Variants in INTS4 observed in about 807,000 individuals in gnomAD.
INTS4 encodes MSTP093.
In INTS4, 70 loss-of-function variants were observed where a neutral mutation model predicts 119.5. That is an observed-to-expected ratio of 0.59 (90% CI 0.48 to 0.71). INTS4 has a LOEUF of 0.71. Among genes scored for constraint, INTS4 ranks in the 30% least tolerant of loss-of-function variants. The probability of loss-of-function intolerance (pLI) is 0.00; values close to 1 mark genes in which losing one functional copy is unlikely to be tolerated. For synonymous variants in INTS4, 316 were observed against 419.6 expected (o/e 0.75, Z 3.02); for missense variants, 867 against 1,173.2 (o/e 0.74, Z 3.81).
chr11:77,970,427 C>T (rs1463723976), intron 4 of INTS4, among the ~76,000 whole-genome samples: 4 of 151,876 alleles, frequency 2.6e-5, no homozygotes, highest in Non-Finnish European at 1.5e-5. Context: ...ACAAACTTCT[C>T]AGTTAATATG....
chr11:77,955,325 A>G (rs986198732), intron 8 of INTS4, among the ~76,000 whole-genome samples: 4 of 152,214 alleles, frequency 2.6e-5, no homozygotes, highest in African/African-American at 9.6e-5. Flanking sequence ...CAACAGAGGA[A>G]GACCCTGTCT....
Position 77,891,729 on chromosome 11 carries a change from C to T in INTS4, c.2400G>A (p.Gln800=). The T allele has an allele frequency of 6.2e-7, 1 of 1,611,974 alleles. No homozygotes were observed. Among genetic ancestry groups the T allele is most frequent in the Non-Finnish European group, 8.5e-7 (1 of 1,179,854 alleles). Residue 800 remains glutamine, a synonymous_variant, in exon 20 of 23, where the codon CAG becomes CAA. Transcript: ENST00000534064. ...SKPAEVVKIL[Q]TMLRQSAFLH... ...GAAAGGCACTCTGTCGCAGCATGGT[C>T]TGTAGAATTTTGACCACTTCTGCAG...
chr11:77,944,047 T>C (rs111901836), intron 8 of INTS4, among the ~76,000 whole-genome samples: 4,582 of 152,280 alleles, frequency 0.03, 160 homozygotes, highest in African/African-American at 0.089. Flanking sequence ...GTATTCTAAA[T>C]AGTCCCATGA....
chr11:77,876,163 T>C, downstream of INTS4, among the ~76,000 whole-genome samples: 1 of 152,088 alleles, frequency 6.6e-6, no homozygotes, highest in South Asian at 2.1e-4. Context: ...GTATGAGGGA[T>C]GAGGAAGGAA....
chr11:77,903,791 A>C (rs1198648615), intron 16 of INTS4, among the ~76,000 whole-genome samples, 171 bp from the exon 17 acceptor site: 3 of 152,226 alleles, frequency 2.0e-5, no homozygotes, highest in Non-Finnish European at 4.4e-5. Context: ...AGATGAGACC[A>C]ATGGTTTGGG....
chr11:77,959,437 A>G (rs1156676248), intron 6 of INTS4, among the ~76,000 whole-genome samples: 1 of 152,030 alleles, frequency 6.6e-6, no homozygotes, highest in Admixed American at 6.6e-5. Flanking sequence ...TTATATCTTA[A>G]ATTCTACACT....
At chr11:77,945,421 C>G (rs1300565607) in intron 8 of INTS4, among the ~76,000 whole-genome samples, 2 of 152,160 alleles carry the variant, frequency 1.3e-5, no homozygotes, top group Non-Finnish European at 2.9e-5. Context: ...CCCTGGGGAC[C>G]AGTAGCAACT....
chr11:77,978,685 C>A, intron 4 of INTS4: 1 of 168,022 alleles, frequency 6.0e-6, no homozygotes, highest in South Asian at 1.4e-4. Flanking sequence ...TCTTAATTTT[C>A]ACCTTTGTAA....
At chr11:77,907,918 C>G (rs931418903) in intron 15 of INTS4, 108 bp from the exon 16 acceptor site, 2 of 681,756 alleles carry the variant, frequency 2.9e-6, no homozygotes, top group African/African-American at 3.6e-5. Flanking sequence ...AACAGTCATA[C>G]ATTTTTAAAT....
chr11:77,897,687 A>C (rs893783071), intron 18 of INTS4, among the ~76,000 whole-genome samples: 7 of 147,448 alleles, frequency 4.7e-5, no homozygotes, highest in Admixed American at 4.1e-4. Flanking sequence ...TTTTATTTTT[A>C]GTAGAGACGG....
At chr11:77,967,889 A>C (rs1211688881) in intron 4 of INTS4, among the ~76,000 whole-genome samples, 1 of 152,240 alleles carries the variant, frequency 6.6e-6, no homozygotes, top group Non-Finnish European at 1.5e-5. Flanking sequence ...TCAATTACCA[A>C]CAAGGATACA....
rs1856217358 is a variant in INTS4 at position 77,981,468 on chromosome 11, G to A, written c.355C>T (p.Gln119Ter). The A allele has an allele frequency of 1.3e-6, 2 of 1,492,308 alleles. No individual in the cohort carries two copies. The highest frequency in any genetic ancestry group is 1.9e-5 in the Admixed American group (1 of 52,534). 92.4% of individuals were successfully genotyped at this position (1,492,308 alleles called of 1,614,324 possible). Reference sequence around the variant, plus strand: ...TTAAATTGCAACTTACTTTCATTCTGCAGGATGTTGATGGCATCATCCATA... The same window carrying A: ...TTAAATTGCAACTTACTTTCATTCTACAGGATGTTGATGGCATCATCCATA... ...CIMDDAINIL[Q>*]NEKSHQVLAQ... The change falls in exon 3 of 23, where the codon CAG becomes TAG. Residue 119 changes from glutamine (Q) to a stop codon, truncating the protein, a stop_gained. Coordinates refer to ENST00000534064, the MANE Select transcript of INTS4 (RefSeq NM_033547.4). LOFTEE classifies it high-confidence loss of function.
In INTS4 at chr11:77,910,093, G is replaced by T. The variant is rs1410107552; in HGVS notation, c.1923-2283C>A. Among the ~76,000 whole-genome samples, 3 of 152,056 alleles carry T rather than the reference G, an allele frequency of 2.0e-5. No individual in the cohort carries two copies. The East Asian group carries it at 5.8e-4, about 29-fold the overall frequency. On this transcript the variant is annotated intron_variant, in intron 15 of 22. Coordinates refer to ENST00000534064, the MANE Select transcript of INTS4 (RefSeq NM_033547.4). ...TTTGACCCAGCCATCCCATTACTGG[G>T]TATATACCCAAAGGATTATAAATCA...
At chr11:77,899,192 T>C (rs139860509) in intron 18 of INTS4, among the ~76,000 whole-genome samples, 2,003 of 152,108 alleles carry the variant, frequency 0.013, 59 homozygotes, top group African/African-American at 0.047. Context: ...AGTTTGCAAA[T>C]GGTAAAGTCA....
intron 16 of INTS4, among the ~76,000 whole-genome samples, chr11:77,906,310 T>C (rs1952951141): frequency 1.3e-5 from 2 of 152,218 alleles, no homozygotes; most frequent in African/African-American, 4.8e-5. Flanking sequence ...CCAAAATTTA[T>C]TTAGCTTTTT....
chr11:77,922,090 T>C (rs1953375562), intron 13 of INTS4, among the ~76,000 whole-genome samples: 1 of 151,532 alleles, frequency 6.6e-6, no homozygotes, highest in Non-Finnish European at 1.5e-5. Flanking sequence ...TAGCTGGGTG[T>C]GGTAGCGGGC....
rs183984232 is a variant in INTS4, at chr11:77,987,254, T to A, written c.246+3854A>T. On this transcript the variant is annotated intron_variant, in intron 2 of 22. Transcript: ENST00000534064. ...AAATGTTCCATAACAAAAGGTTTTT[T>A]AAAAAAAAAACCCAAGTTCAAATCC... The A allele has an allele frequency of 7.2e-4, 110 of 152,658 alleles. No individual in the cohort carries two copies. In the South Asian group the frequency reaches 9.1e-3, roughly 13 times the overall value. The allele number at this position is 152,658 out of a possible 1,614,324, so 9.5% of individuals were successfully genotyped here.
intron 15 of INTS4, among the ~76,000 whole-genome samples, chr11:77,913,131 G>C (rs11534589): frequency 0.38 from 58,226 of 151,784 alleles, 11,320 homozygotes; most frequent in African/African-American, 0.42. Context: ...TTGAAAAACA[G>C]GAGGTCACTA....
downstream of INTS4, among the ~76,000 whole-genome samples, chr11:77,874,372 CTTTTTTTTTTTT>C (rs560821678): frequency 1.5e-5 from 2 of 134,590 alleles, no homozygotes; most frequent in Non-Finnish European, 3.2e-5. Context: ...GTGATGCAGT[CTTTTTTTTTTTT>C]TTTTGGTCAA....
Sources: allele counts gnomAD v4.1 joint callset (sites outside exome capture counted in the v4.1 genomes callset), GRCh38; gene constraint gnomAD v4.1.1; transcripts MANE v1.5; gene names NCBI Gene and HGNC (gene_info 2026-07-23, HGNC 2026-07-21).